The following SNTG2 variants were observed in gnomAD, a reference collection of about 807,000 sequenced individuals.
SNTG2 encodes the protein gamma-2-syntrophin.
In SNTG2, 74 loss-of-function variants were observed where a neutral mutation model predicts 70.9. The observed-to-expected ratio is 1.04, with a 90% CI of 0.86 to 1.27. The LOEUF (loss-of-function observed/expected upper bound fraction) is 1.27, where lower values mean the gene tolerates loss of function less well. Ranked by LOEUF, SNTG2 falls within the 50% of genes most tolerant of loss-of-function variation. The probability of loss-of-function intolerance (pLI) is 0.00; values close to 1 mark genes in which losing one functional copy is unlikely to be tolerated. For synonymous variants in SNTG2, 278 were observed against 273.8 expected (o/e 1.02, Z -0.15); for missense variants, 717 against 690.7 (o/e 1.04, Z -0.43).
intron 2 of SNTG2, among the ~76,000 whole-genome samples, chr2:1,093,807 T>G (rs1665191986): frequency 6.6e-6 from 1 of 152,272 alleles, no homozygotes; most frequent in Non-Finnish European, 1.5e-5. Flanking sequence ...GAACCACAGG[T>G]GGGCTGGCTT....
At chr2:966,333 G>T (rs1236304685) in intron 1 of SNTG2, among the ~76,000 whole-genome samples, 12 of 151,936 alleles carry the variant, frequency 7.9e-5, no homozygotes. Flanking sequence ...TTAAATATCT[G>T]CAATCTTTGC....
intron 16 of SNTG2, among the ~76,000 whole-genome samples, chr2:1,366,455 GAGA>G (rs577919552): frequency 1.2e-3 from 184 of 152,314 alleles, no homozygotes; most frequent in Middle Eastern, 3.4e-3. Flanking sequence ...AGTTTGTGGA[GAGA>G]AGATGAACCT....
At chr2:993,339 A>G (rs978794943) in intron 1 of SNTG2, among the ~76,000 whole-genome samples, 1 of 150,876 alleles carries the variant, frequency 6.6e-6, no homozygotes, top group African/African-American at 2.4e-5. Flanking sequence ...TGCACATTAT[A>G]GTATTAGACC....
intron 16 of SNTG2, among the ~76,000 whole-genome samples, chr2:1,355,098 C>A (rs1404039311): frequency 6.6e-6 from 1 of 152,208 alleles, no homozygotes; most frequent in Non-Finnish European, 1.5e-5. Flanking sequence ...CATTTCACAC[C>A]GTGGTTCTTA....
At chr2:1,255,921 T>TATATAA (rs1168656332) in intron 12 of SNTG2, among the ~76,000 whole-genome samples, 1 of 65,232 alleles carries the variant, frequency 1.5e-5, no homozygotes, top group Non-Finnish European at 2.7e-5. Flanking sequence ...TATATATAAA[T>TATATAA]ATATAAATAT....
At chr2:1,194,615 G>A (rs113434683) in intron 8 of SNTG2, among the ~76,000 whole-genome samples, 1,872 of 152,168 alleles carry the variant, frequency 0.012, 38 homozygotes, top group African/African-American at 0.043. Flanking sequence ...TCCCCATTAT[G>A]TTTGTGCTGA....
At chr2:1,184,517 A>G (rs950850838) in intron 8 of SNTG2, among the ~76,000 whole-genome samples, 1 of 152,208 alleles carries the variant, frequency 6.6e-6, no homozygotes, top group Non-Finnish European at 1.5e-5. Context: ...TCATATTTCC[A>G]TAGGCTGTAC....
At chr2:1,312,180 A>G (rs567552331) in intron 15 of SNTG2, among the ~76,000 whole-genome samples, 1 of 152,278 alleles carries the variant, frequency 6.6e-6, no homozygotes, top group Admixed American at 6.5e-5. Context: ...GAAGACCATT[A>G]TCTAATCTAT....
chr2:1,021,094 C>T (rs1168497890), intron 1 of SNTG2, among the ~76,000 whole-genome samples: 2 of 152,168 alleles, frequency 1.3e-5, no homozygotes, highest in South Asian at 4.1e-4. Context: ...CCAATTTTCA[C>T]AGTAAGGAAT....
intron 8 of SNTG2, among the ~76,000 whole-genome samples, chr2:1,193,597 AAAG>A (rs1672729990): frequency 7.1e-6 from 1 of 140,692 alleles, no homozygotes; most frequent in African/African-American, 2.5e-5. Flanking sequence ...TCCCCTGAAT[AAAG>A]AAGAAAAAAA....
chr2:1,147,438 C>T (rs1249596840), intron 6 of SNTG2, among the ~76,000 whole-genome samples: 1 of 152,190 alleles, frequency 6.6e-6, no homozygotes, highest in African/African-American at 2.4e-5. Flanking sequence ...CTAGATTGGC[C>T]TAGCCTCCCA....
At chr2:1,115,883 G>T (rs1666933135) in intron 4 of SNTG2, among the ~76,000 whole-genome samples, 1 of 152,240 alleles carries the variant, frequency 6.6e-6, no homozygotes, top group South Asian at 2.1e-4. Flanking sequence ...TTTTGGAAAT[G>T]AATTCAGGTC....
intron 6 of SNTG2, among the ~76,000 whole-genome samples, chr2:1,142,539 G>T (rs1668827445): frequency 6.6e-6 from 1 of 152,136 alleles, no homozygotes; most frequent in South Asian, 2.1e-4. Context: ...ATTCAGCAAG[G>T]GAGCAGGTAT....
In SNTG2 at chr2:985,270, A is replaced by T. The variant is rs551490682; in HGVS notation, c.72+34202A>T. Among the ~76,000 whole-genome samples the T allele has an allele frequency of 1.6e-3, 240 of 152,306 alleles. 4 individuals are homozygous for T. In the South Asian group the frequency reaches 0.019, roughly 12 times the overall value. On this transcript the variant is annotated intron_variant, in intron 1 of 16. Coordinates refer to ENST00000308624, the MANE Select transcript of SNTG2 (RefSeq NM_018968.4). ...GACGGAAATGCATGTGCCTGCAGCCATTAAACAGAAAGACAAGTTGATTTT... is the reference window on the plus strand; with the variant it reads ...GACGGAAATGCATGTGCCTGCAGCCTTTAAACAGAAAGACAAGTTGATTTT...
At chr2:1,155,244 C>T (rs1479476445) in intron 6 of SNTG2, among the ~76,000 whole-genome samples, 1 of 150,616 alleles carries the variant, frequency 6.6e-6, no homozygotes, top group Non-Finnish European at 1.5e-5. Flanking sequence ...TATATATGGA[C>T]ATACACACAC....
At chr2:996,711 A>G (rs747323751) in intron 1 of SNTG2, among the ~76,000 whole-genome samples, 1 of 35,722 alleles carries the variant, frequency 2.8e-5, no homozygotes, top group Non-Finnish European at 5.0e-5. Context: ...TTTTACTACC[A>G]CTAGGTATTG....
intron 4 of SNTG2, among the ~76,000 whole-genome samples, chr2:1,125,851 T>A (rs973683428): frequency 2.6e-5 from 4 of 152,078 alleles, no homozygotes; most frequent in Non-Finnish European, 5.9e-5. Flanking sequence ...AGGGATAGGG[T>A]GAAGCTGTGT....
intron 2 of SNTG2, among the ~76,000 whole-genome samples, chr2:1,095,527 C>T (rs1435102859): frequency 6.6e-6 from 1 of 152,066 alleles, no homozygotes; most frequent in African/African-American, 2.4e-5. Context: ...TTTTTTCTTA[C>T]CTATCTTGTT....
At chr2:1,232,047 G>C (rs1440225182) in intron 9 of SNTG2, among the ~76,000 whole-genome samples, 1 of 152,120 alleles carries the variant, frequency 6.6e-6, no homozygotes, top group Admixed American at 6.5e-5. Flanking sequence ...TCGTGCTCCA[G>C]TGCCCCACTC....
Sources: gnomAD v4.1 joint callset for allele counts (sites outside exome capture counted in the v4.1 genomes callset) on GRCh38, gnomAD v4.1.1 for gene constraint, MANE v1.5 for transcripts, NCBI Gene and HGNC (gene_info 2026-07-23, HGNC 2026-07-21) for gene names.